GRM8: variants seen among roughly 807,000 people sequenced by gnomAD.
The protein encoded by GRM8 is metabotropic glutamate receptor 8.
In GRM8, 47 loss-of-function variants were observed where a neutral mutation model predicts 87.2. That is an observed-to-expected ratio of 0.54 (90% CI 0.43 to 0.69). The LOEUF (loss-of-function observed/expected upper bound fraction) is 0.69, where lower values mean the gene tolerates loss of function less well. Among genes scored for constraint, GRM8 ranks in the 30% least tolerant of loss-of-function variants. GRM8 has a pLI of 0.00. For synonymous variants in GRM8, 396 were observed against 404.5 expected (o/e 0.98, Z 0.25); for missense variants, 1,019 against 1,139.2 (o/e 0.89, Z 1.52).
intron 3 of GRM8, among the ~76,000 whole-genome samples, chr7:126,978,345 AT>A (rs1213910061): frequency 6.6e-6 from 1 of 152,176 alleles, no homozygotes; most frequent in Non-Finnish European, 1.5e-5. Flanking sequence ...AACTGAGCAC[AT>A]TCAAGCATGA....
At chr7:127,132,245 T>C (rs2133228680) in intron 2 of GRM8, among the ~76,000 whole-genome samples, 1 of 152,338 alleles carries the variant, frequency 6.6e-6, no homozygotes, top group East Asian at 1.9e-4. Flanking sequence ...TTCAAAGTTG[T>C]CGGACAAATT....
intron 9 of GRM8, among the ~76,000 whole-genome samples, chr7:126,498,617 G>A (rs149311260): frequency 6.6e-6 from 1 of 151,948 alleles, no homozygotes; most frequent in Non-Finnish European, 1.5e-5. Flanking sequence ...ACTGTTGGCT[G>A]TCTCTATTGC....
At chr7:126,845,815 C>T (rs1796666526) in intron 6 of GRM8, among the ~76,000 whole-genome samples, 1 of 151,894 alleles carries the variant, frequency 6.6e-6, no homozygotes, top group Non-Finnish European at 1.5e-5. Flanking sequence ...GGATGAGTTC[C>T]TGTCCTAGGG....
intron 3 of GRM8, among the ~76,000 whole-genome samples, chr7:126,994,637 C>T (rs1813001995): frequency 6.6e-6 from 1 of 152,050 alleles, no homozygotes; most frequent in Admixed American, 6.6e-5. Flanking sequence ...GTGGTGGCAA[C>T]AGGGAAAGGC....
intron 2 of GRM8, among the ~76,000 whole-genome samples, chr7:127,145,857 G>A (rs956114208): frequency 6.6e-6 from 1 of 152,004 alleles, no homozygotes; most frequent in African/African-American, 2.4e-5. Flanking sequence ...TACAATAAAA[G>A]ATTATTCACT....
intron 2 of GRM8, among the ~76,000 whole-genome samples, chr7:127,197,019 C>T (rs1277032235): frequency 6.6e-6 from 1 of 152,110 alleles, no homozygotes; most frequent in African/African-American, 2.4e-5. Context: ...TACAGGGAGG[C>T]CATCTTGAAG....
intron 7 of GRM8, among the ~76,000 whole-genome samples, chr7:126,637,114 G>A (rs190889176): frequency 5.3e-5 from 8 of 152,102 alleles, no homozygotes; most frequent in Non-Finnish European, 1.2e-4. Context: ...ACTATTATCT[G>A]AGGGCCAATA....
chr7:127,038,129 G>A (rs1223324465), intron 3 of GRM8, among the ~76,000 whole-genome samples: 1 of 152,042 alleles, frequency 6.6e-6, no homozygotes, highest in Non-Finnish European at 1.5e-5. Flanking sequence ...AAAATTTGCT[G>A]CTCACAATTT....
intron 7 of GRM8, among the ~76,000 whole-genome samples, chr7:126,631,445 T>C (rs967585893): frequency 2.6e-5 from 4 of 152,124 alleles, no homozygotes; most frequent in African/African-American, 9.7e-5. Flanking sequence ...ATCGTAAAAA[T>C]GGCCATACTG....
chr7:126,952,294 A>C (rs1167815748), intron 3 of GRM8, among the ~76,000 whole-genome samples: 1 of 152,070 alleles, frequency 6.6e-6, no homozygotes, highest in African/African-American at 2.4e-5. Flanking sequence ...ACACATGGAT[A>C]TAAATAATCT....
intron 8 of GRM8, among the ~76,000 whole-genome samples, chr7:126,589,642 G>A (rs558003782): frequency 1.3e-5 from 2 of 152,248 alleles, no homozygotes; most frequent in South Asian, 4.1e-4. Flanking sequence ...TCTTGAAAGT[G>A]CCACCTCCTG....
At chr7:127,098,660 A>C (rs1013406024) in intron 3 of GRM8, among the ~76,000 whole-genome samples, 7 of 152,230 alleles carry the variant, frequency 4.6e-5, no homozygotes, top group African/African-American at 1.7e-4. Context: ...TTCTTACATT[A>C]ACATTTCAAA....
chr7:127,250,130 A>T (rs189079323), intron 1 of GRM8, among the ~76,000 whole-genome samples: 1 of 152,314 alleles, frequency 6.6e-6, no homozygotes, highest in East Asian at 1.9e-4. Flanking sequence ...ATACACAAAG[A>T]TTGGCACGCA....
chr7:127,063,066 C>T (rs1820776229), intron 3 of GRM8, among the ~76,000 whole-genome samples: 1 of 151,672 alleles, frequency 6.6e-6, no homozygotes, highest in Non-Finnish European at 1.5e-5. Flanking sequence ...TGCTGGCTAA[C>T]ACGGTGAAAC....
intron 3 of GRM8, among the ~76,000 whole-genome samples, chr7:127,033,293 A>AT (rs969354755): frequency 4.6e-5 from 7 of 151,074 alleles, no homozygotes; most frequent in Non-Finnish European, 8.9e-5. Context: ...TCAGCTTTTA[A>AT]TTTTTTTTTA....
intron 3 of GRM8, among the ~76,000 whole-genome samples, chr7:126,926,928 C>G (rs780695781): frequency 5.3e-5 from 8 of 152,182 alleles, no homozygotes; most frequent in Non-Finnish European, 8.8e-5. Context: ...TCCACATTTT[C>G]CCAACCAGCC....
rs535403028 is a variant in GRM8 at position 126,694,808 on chromosome 7, A to C, written c.1357+75057T>G. 2.0e-5 allele frequency among the ~76,000 whole-genome samples: 3 copies of C among 152,322 alleles called. No individual in the cohort carries two copies. In the South Asian group the frequency reaches 6.2e-4, roughly 32 times the overall value. On this transcript the variant is annotated intron_variant, in intron 7 of 10. Coordinates refer to ENST00000339582, the MANE Select transcript of GRM8 (RefSeq NM_000845.3). ...AACCTTGAGATACGTTTGTCTCTTG[A>C]GGCTCCTTGTCTGGACTAGATGTCC... is the stretch of plus-strand genomic sequence containing the variant.
At chr7:127,051,644 A>G (rs1156888220) in intron 3 of GRM8, among the ~76,000 whole-genome samples, 5 of 150,156 alleles carry the variant, frequency 3.3e-5, no homozygotes, top group African/African-American at 1.2e-4. Flanking sequence ...ACAAATTGTG[A>G]CATATTTGTG....
intron 9 of GRM8, among the ~76,000 whole-genome samples, chr7:126,478,970 G>A (rs185287854): frequency 1.4e-4 from 21 of 152,090 alleles, no homozygotes; most frequent in African/African-American, 5.1e-4. Flanking sequence ...TTCAAAAGAG[G>A]GGTAGGTGGT....
Sources: allele counts gnomAD v4.1 joint callset (sites outside exome capture counted in the v4.1 genomes callset), GRCh38; gene constraint gnomAD v4.1.1; transcripts MANE v1.5; gene names NCBI Gene and HGNC (gene_info 2026-07-23, HGNC 2026-07-21).